Variants in C14orf180 observed in about 807,000 individuals in gnomAD.
The protein encoded by C14orf180 is nutritionally-regulated adipose and cardiac enriched protein homolog.
A neutral mutation model predicts 13.9 loss-of-function variants in C14orf180; 13 were observed. The observed-to-expected ratio is 0.94, with a 90% CI of 0.61 to 1.49. The LOEUF (loss-of-function observed/expected upper bound fraction) is 1.49, where lower values mean the gene tolerates loss of function less well. C14orf180 is among the 40% of genes most tolerant of loss of function. The pLI is 0.00. For missense variants in C14orf180, 238 were observed against 232.0 expected (o/e 1.03, Z -0.17); for synonymous variants, 113 against 106.3 (o/e 1.06, Z -0.39).
intron 1 of C14orf180, among the ~76,000 whole-genome samples, chr14:104,580,665 T>C (rs1235981038): frequency 6.6e-6 from 1 of 152,226 alleles, no homozygotes; most frequent in African/African-American, 2.4e-5. Flanking sequence ...AACTGGCTCT[T>C]TTCTGAGCCG....
chr14:104,584,337 G>A (rs898699125), intron 1 of C14orf180, among the ~76,000 whole-genome samples: 5 of 152,158 alleles, frequency 3.3e-5, no homozygotes, highest in African/African-American at 9.7e-5. Flanking sequence ...TCCTTCCGCC[G>A]GGCAGTGGGA....
intron 4 of C14orf180, 63 bp downstream of exon 4, chr14:104,588,372 T>A (rs9788432): frequency 0.12 from 184,767 of 1,598,838 alleles, 16,180 homozygotes; most frequent in East Asian, 0.5. Context: ...CCACCCTCAC[T>A]CCCTCCCCGA....
At chr14:104,588,181 G>C in intron 3 of C14orf180, 93 bp from the exon 4 acceptor site, 1 of 1,476,142 alleles carries the variant, frequency 6.8e-7, no homozygotes, top group Non-Finnish European at 9.5e-7. Context: ...ATAGTCTCAG[G>C]GTCCTTCGGG....
intron 1 of C14orf180, among the ~76,000 whole-genome samples, chr14:104,585,952 C>T (rs1014609616): frequency 2.0e-5 from 3 of 152,182 alleles, no homozygotes; most frequent in Non-Finnish European, 4.4e-5. Context: ...TCTGTGGACC[C>T]GGTCTCAGAG....
chr14:104,582,656 G>A (rs564247673), intron 1 of C14orf180, among the ~76,000 whole-genome samples: 1 of 152,278 alleles, frequency 6.6e-6, no homozygotes, highest in East Asian at 1.9e-4. Context: ...AGGGAGCTCG[G>A]TGCCCCCTCT....
rs573503707 is a variant in C14orf180 at position 104,586,047 on chromosome 14, T to C, written c.-16-368T>C. Among the ~76,000 whole-genome samples the C allele has an allele frequency of 6.6e-5, 10 of 152,368 alleles. No individual in the cohort carries two copies. The South Asian group carries it at 2.1e-3, about 32-fold the overall frequency. ...AAGATGTTTCTTGCAGCCTTATCCATGACCTCCAAACATTGCAAATGACAA... is the reference window on the plus strand; with the variant it reads ...AAGATGTTTCTTGCAGCCTTATCCACGACCTCCAAACATTGCAAATGACAA... On this transcript the variant is annotated intron_variant, in intron 1 of 4. Transcript: ENST00000557649.
chr14:104,585,711 A>G (rs1034430012), intron 1 of C14orf180, among the ~76,000 whole-genome samples: 1 of 121,656 alleles, frequency 8.2e-6, no homozygotes, highest in African/African-American at 6.2e-5. Context: ...GCAGGGAGAC[A>G]GAGATGGAGA....
chr14:104,586,014 A>T lies in C14orf180; in HGVS notation c.-16-401A>T, dbSNP rs138747395. Among the ~76,000 whole-genome samples, 455 of 152,326 alleles carry T rather than the reference A, an allele frequency of 3.0e-3. 2 individuals carry two copies. Among genetic ancestry groups the T allele is most frequent in the African/African-American group, 0.01 (421 of 41,566 alleles). The stretch of plus-strand genomic sequence containing the variant: ...CAGGGCTTCCCGCTACCGAAAGGAG[A>T]CAAAGCAAAGATGTTTCTTGCAGCC... On this transcript the variant is annotated intron_variant, in intron 1 of 4. Coordinates refer to ENST00000557649, the MANE Select transcript of C14orf180 (RefSeq NM_001008404.3).
At chr14:104,585,271 G>A (rs1050510021) in intron 1 of C14orf180, among the ~76,000 whole-genome samples, 3 of 152,226 alleles carry the variant, frequency 2.0e-5, no homozygotes, top group African/African-American at 7.2e-5. Context: ...GGGAGGACCT[G>A]GCCTGGCATC....
At chr14:104,580,405 GCTC>G (rs1886397095) in intron 1 of C14orf180, among the ~76,000 whole-genome samples, 1 of 152,212 alleles carries the variant, frequency 6.6e-6, no homozygotes, top group Non-Finnish European at 1.5e-5. Context: ...CAGCGGGGGT[GCTC>G]CTGGCCACAC....
In C14orf180 at chr14:104,579,957, T is replaced by A. The variant is rs1430216513; in HGVS notation, c.-63T>A. ...CACTGGACTGTGCCCCACAGGGAGA[T>A]CCCGAAGAGCCTGTTTCTGTCCCTC... On this transcript the variant is annotated 5_prime_UTR_variant, in exon 1 of 5. Coordinates refer to ENST00000557649, the MANE Select transcript of C14orf180 (RefSeq NM_001008404.3). 2 of 152,326 alleles carry A rather than the reference T, an allele frequency of 1.3e-5. No homozygotes were observed. The highest frequency in any genetic ancestry group is 2.4e-5 in the African/African-American group (1 of 41,458). The allele number at this position is 152,326 out of a possible 1,614,324, so 9.4% of individuals were successfully genotyped here.
intron 1 of C14orf180, among the ~76,000 whole-genome samples, chr14:104,582,395 G>A (rs564885450): frequency 2.6e-5 from 4 of 152,276 alleles, no homozygotes; most frequent in South Asian, 4.1e-4. Flanking sequence ...GTGCCCTCAC[G>A]TCTCTCAGCA....
chr14:104,587,713 G>A lies in C14orf180; in HGVS notation c.112-36G>A, dbSNP rs377302831. ...ACCTGGGTACCAGCGGCCTCCCGCCGGGGACTCACCAGTCTGCTTCCCGCC... is the reference window on the plus strand; with the variant it reads ...ACCTGGGTACCAGCGGCCTCCCGCCAGGGACTCACCAGTCTGCTTCCCGCC... On this transcript the variant is annotated intron_variant, in intron 2 of 4. Coordinates refer to ENST00000557649, the MANE Select transcript of C14orf180 (RefSeq NM_001008404.3). 1.6e-4 allele frequency: 258 copies of A among 1,606,868 alleles called. 1 individual carries two copies. In the Admixed American group the frequency reaches 2.1e-3, roughly 13 times the overall value.
chr14:104,585,113 G>A (rs1886573960), intron 1 of C14orf180, among the ~76,000 whole-genome samples: 1 of 152,232 alleles, frequency 6.6e-6, no homozygotes, highest in South Asian at 2.1e-4. Flanking sequence ...AGGACCACGG[G>A]GAGCCAGGGA....
chr14:104,583,876 G>A (rs563686190), intron 1 of C14orf180, among the ~76,000 whole-genome samples: 38 of 151,886 alleles, frequency 2.5e-4, no homozygotes, highest in African/African-American at 6.3e-4. Context: ...TCACATGCAC[G>A]CACAGAAATA....
At position 104,586,438 on chromosome 14, in the gene C14orf180, C is replaced by G. The variant is rs1214759256; in HGVS notation, c.8C>G (p.Thr3Ser). MR[T>S]AAGAVSPDSR... is the part of the protein sequence containing the mutation. ...AGGACCATGTTCCAGTAAATGAGGA[C>G]TGCAGCAGGAGCCGTGAGCCCTGAC... Residue 3 changes from threonine to serine, a missense_variant, in exon 2 of 5, where the codon ACT (threonine) becomes AGT (serine). Coordinates refer to ENST00000557649, the MANE Select transcript of C14orf180 (RefSeq NM_001008404.3). 1.3e-6 allele frequency: 2 copies of G among 1,532,374 alleles called. No individual in the cohort carries two copies. The highest frequency in any genetic ancestry group is 1.2e-5 in the South Asian group (1 of 80,902). The allele number at this position is 1,532,374 out of a possible 1,614,324, so 94.9% of individuals were successfully genotyped here.
At chr14:104,586,711 G>A (rs1256629079) in intron 2 of C14orf180, among the ~76,000 whole-genome samples, 170 bp downstream of exon 2, 2 of 152,054 alleles carry the variant, frequency 1.3e-5, no homozygotes, top group Non-Finnish European at 2.9e-5. Flanking sequence ...GGGGGGCAAT[G>A]GGTGCCTTGA....
Position 104,588,375 on chromosome 14 carries a change from C to A in C14orf180, c.277+66C>A, listed in dbSNP as rs1261135471. On this transcript the variant is annotated intron_variant, in intron 4 of 4. Transcript: ENST00000557649. Reference sequence around the variant, plus strand: ...CCGTGGGTGCACCCACCCTCACTCCCTCCCCGAGGGAGGTGTCACAGGGCC... The same window carrying A: ...CCGTGGGTGCACCCACCCTCACTCCATCCCCGAGGGAGGTGTCACAGGGCC... 6 of 1,601,656 alleles carry A rather than the reference C, an allele frequency of 3.7e-6. No homozygotes were observed. The African/African-American group carries it at 6.7e-5, about 18-fold the overall frequency.
Position 104,588,772 on chromosome 14 carries a change from C to G in C14orf180, c.472C>G (p.Leu158Val). ...GGCCCTCACCTGCTGGCGCGGCCTC[C>G]TGCGGCTCTGACGGGCAGGACGGGC... ...HVALTCWRGLLRL is the reference protein window; with the variant it reads ...HVALTCWRGLVRL Residue 158 changes from leucine to valine, a missense_variant, in exon 5 of 5, where the codon CTG becomes GTG. By Grantham distance (32) the Leu-to-Val change is conservative. Transcript: ENST00000557649. The G allele has an allele frequency of 6.6e-7, 1 of 1,520,476 alleles. No individual in the cohort carries two copies. The highest frequency in any genetic ancestry group is 8.7e-7 in the Non-Finnish European group (1 of 1,143,976). The allele number at this position is 1,520,476 out of a possible 1,614,324, so 94.2% of individuals were successfully genotyped here. A position where few individuals can be genotyped will look rare whatever the true frequency, so the allele number is the denominator to read the frequency against.
Sources: allele counts gnomAD v4.1 joint callset (sites outside exome capture counted in the v4.1 genomes callset), GRCh38; gene constraint gnomAD v4.1.1; transcripts MANE v1.5; gene names NCBI Gene and HGNC (gene_info 2026-07-23, HGNC 2026-07-21).